SCN11A: variants seen among roughly 807,000 people sequenced by gnomAD.
SCN11A encodes sodium channel protein type 11 subunit alpha.
A neutral mutation model predicts 162.2 loss-of-function variants in SCN11A; 122 were observed. The ratio of observed to expected loss-of-function variants is 0.75; its 90% CI spans 0.65 to 0.87. The LOEUF is 0.87. SCN11A is among the 40% of genes least tolerant of loss of function. The pLI is 0.00. For synonymous variants in SCN11A, 758 were observed against 751.5 expected (o/e 1.01, Z -0.14); for missense variants, 2,015 against 2,181.6 (o/e 0.92, Z 1.52).
chr3:38,884,149 G>A (rs1235286873), intron 21 of SCN11A, among the ~76,000 whole-genome samples: 1 of 151,962 alleles, frequency 6.6e-6, no homozygotes, highest in Non-Finnish European at 1.5e-5. Context: ...ACCACTATGG[G>A]CTCTCTTCAC....
chr3:38,867,516 T>C (rs751187345), intron 26 of SCN11A, 58 bp from the exon 27 acceptor site: 336 of 1,353,652 alleles, frequency 2.5e-4, no homozygotes, highest in Non-Finnish European at 3.3e-4. Context: ...AATATAAGCA[T>C]TCTAACTACC....
chr3:38,847,528 C>T lies in SCN11A; in HGVS notation c.4542G>A (p.Leu1514=). 6.2e-7 allele frequency: 1 copy of T among 1,614,068 alleles called. No homozygotes were observed. The change falls in exon 30 of 30, where the codon CTG becomes CTA. Residue 1514 remains leucine (L), a synonymous_variant. Transcript: ENST00000302328. ...TCACTTTGGAAAACCAGTTCATACC[C>T]AGAATGGCATAGATAAACATAATCA... The part of the protein sequence containing the change: ...LFLIMFIYAI[L]GMNWFSKVNP...
chr3:39,008,670 C>T (rs1477380550), intron 2 of SCN11A, among the ~76,000 whole-genome samples: 4 of 152,112 alleles, frequency 2.6e-5, no homozygotes, highest in Admixed American at 2.6e-4. Flanking sequence ...GGGTGGATCA[C>T]CTGAGGTCAG....
chr3:39,032,020 CA>C (rs1337266489), intron 2 of SCN11A, among the ~76,000 whole-genome samples: 1 of 152,046 alleles, frequency 6.6e-6, no homozygotes, highest in Non-Finnish European at 1.5e-5. Context: ...AATGGTTATA[CA>C]AAAGGAGTGG....
intron 11 of SCN11A, among the ~76,000 whole-genome samples, chr3:38,914,090 T>A (rs113265803): frequency 1.3e-4 from 20 of 152,212 alleles, no homozygotes; most frequent in African/African-American, 4.3e-4. Context: ...AGGCAGTATA[T>A]CCATTTTAAT....
intron 23 of SCN11A, among the ~76,000 whole-genome samples, chr3:38,878,598 G>C (rs2065258846): frequency 6.6e-6 from 1 of 152,068 alleles, no homozygotes; most frequent in South Asian, 2.1e-4. Flanking sequence ...TAATAGGACT[G>C]ACAAACGTGG....
chr3:38,889,973 G>GA (rs944839326), intron 19 of SCN11A, among the ~76,000 whole-genome samples: 133 of 141,958 alleles, frequency 9.4e-4, no homozygotes, highest in African/African-American at 1.5e-3. Context: ...ATGAGTTATG[G>GA]AAAAAAAAAA....
intron 2 of SCN11A, among the ~76,000 whole-genome samples, chr3:38,962,681 C>A (rs143308642): frequency 1.2e-3 from 182 of 151,968 alleles, no homozygotes; most frequent in African/African-American, 4.3e-3. Context: ...AACCCCATCT[C>A]TACAAAAAAC....
intron 19 of SCN11A, 107 bp from the exon 20 acceptor site, chr3:38,886,345 C>CCTG: frequency 1.6e-6 from 1 of 618,980 alleles, no homozygotes. Context: ...GAGAATAAGC[C>CCTG]TTTGACATTA....
chr3:38,900,297 A>G (rs1318546622), intron 16 of SCN11A, among the ~76,000 whole-genome samples: 4 of 152,194 alleles, frequency 2.6e-5, no homozygotes, highest in Admixed American at 2.6e-4. Context: ...GAGCAATGTA[A>G]CCAAGCTCAC....
chr3:38,883,425 G>T (rs369531149), intron 21 of SCN11A, 38 bp from the exon 22 acceptor site: 7 of 1,580,712 alleles, frequency 4.4e-6, no homozygotes, highest in Non-Finnish European at 6.0e-6. Flanking sequence ...ATTAGTGTCT[G>T]TAATAAACTG....
chr3:38,910,467 T>C (rs967612731), intron 11 of SCN11A, among the ~76,000 whole-genome samples: 2 of 152,190 alleles, frequency 1.3e-5, no homozygotes, highest in East Asian at 1.9e-4. Context: ...TAAAAGCACA[T>C]ACAATGAATA....
chr3:38,872,292 G>C lies in SCN11A; in HGVS notation c.3396C>G (p.Val1132=). The C allele has an allele frequency of 1.9e-6, 3 of 1,559,816 alleles. No individual in the cohort carries two copies. The highest frequency in any genetic ancestry group is 2.7e-6 in the Non-Finnish European group (3 of 1,130,766). Residue 1132 remains valine, a splice_region_variant and synonymous_variant, in exon 24 of 30, where the codon GTC becomes GTG. Coordinates refer to ENST00000302328, the MANE Select transcript of SCN11A (RefSeq NM_001349253.2). ...TTAAGTTAATGAGGGTGGTCACAGA[G>C]ACCTGATGGGAAGAGAGGCCACAGA... ...WCCLDFIIVI[V]SVTTLINLME...
chr3:38,857,863 T>C (rs1202391683), intron 28 of SCN11A, among the ~76,000 whole-genome samples: 1 of 152,120 alleles, frequency 6.6e-6, no homozygotes, highest in Non-Finnish European at 1.5e-5. Flanking sequence ...AACAATATAA[T>C]TGTCAGCCAA....
At chr3:38,920,737 G>T (rs1357458251) in intron 10 of SCN11A, among the ~76,000 whole-genome samples, 1 of 151,804 alleles carries the variant, frequency 6.6e-6, no homozygotes, top group Non-Finnish European at 1.5e-5. Flanking sequence ...TGAGGAGTGG[G>T]GCTGGGAAGC....
At chr3:38,928,632 T>C (rs998655284) in intron 7 of SCN11A, among the ~76,000 whole-genome samples, 44 of 152,250 alleles carry the variant, frequency 2.9e-4, no homozygotes, top group African/African-American at 1.0e-3. Flanking sequence ...AGGATTTGAA[T>C]AGATATTTCT....
intron 26 of SCN11A, among the ~76,000 whole-genome samples, chr3:38,869,247 C>A (rs1302412379): frequency 3.3e-5 from 5 of 152,126 alleles, no homozygotes; most frequent in African/African-American, 1.2e-4. Flanking sequence ...TACACATCTG[C>A]AAAACCTTTC....
In SCN11A at chr3:38,893,022, G is replaced by T. The variant is rs2065525384; in HGVS notation, c.2835+1511C>A. On this transcript the variant is annotated intron_variant, in intron 19 of 29. Coordinates refer to ENST00000302328, the MANE Select transcript of SCN11A (RefSeq NM_001349253.2). ...AAGTAAATAAACTGAATTAACAACA[G>T]CATTAAATATGAATGGTTTAACCAA... Among the ~76,000 whole-genome samples the T allele has an allele frequency of 2.0e-5, 3 of 152,028 alleles. No individual in the cohort carries two copies. The South Asian group carries it at 6.2e-4, about 32-fold the overall frequency.
At chr3:38,859,140 C>G (rs1575213926) in intron 28 of SCN11A, among the ~76,000 whole-genome samples, 1 of 151,614 alleles carries the variant, frequency 6.6e-6, no homozygotes, top group African/African-American at 2.4e-5. Flanking sequence ...AAGCCAAAGG[C>G]AAATCCAAAC....
Sources: allele counts gnomAD v4.1 joint callset (sites outside exome capture counted in the v4.1 genomes callset), GRCh38; gene constraint gnomAD v4.1.1; transcripts MANE v1.5; gene names NCBI Gene and HGNC (gene_info 2026-07-23, HGNC 2026-07-21).